Variants in FBXL7 observed in about 807,000 individuals in gnomAD.
FBXL7 encodes F-box/LRR-repeat protein 7.
FBXL7 carries 12 observed loss-of-function variants against 38.3 expected under a neutral mutation model. That is an observed-to-expected ratio of 0.31 (90% CI 0.20 to 0.51). The LOEUF is 0.51. FBXL7 is among the 20% of genes least tolerant of loss of function. The pLI, the probability that FBXL7 is intolerant of heterozygous loss-of-function variation, is 0.98. For synonymous variants in FBXL7, 297 were observed against 300.9 expected (o/e 0.99, Z 0.13); for missense variants, 567 against 676.4 (o/e 0.84, Z 1.79).
chr5:15,894,587 T>C (rs935596246), intron 2 of FBXL7, among the ~76,000 whole-genome samples: 2 of 152,214 alleles, frequency 1.3e-5, no homozygotes, highest in Non-Finnish European at 2.9e-5. Flanking sequence ...TCTATTGCGT[T>C]TTCTGTTTAG....
chr5:15,706,664 A>C (rs1295803548), intron 2 of FBXL7, among the ~76,000 whole-genome samples: 1 of 152,210 alleles, frequency 6.6e-6, no homozygotes, highest in Non-Finnish European at 1.5e-5. Flanking sequence ...GTAAAATGAA[A>C]GGATTTGCTG....
intron 1 of FBXL7, among the ~76,000 whole-genome samples, chr5:15,517,115 C>T (rs1273051304): frequency 6.6e-6 from 1 of 151,958 alleles, no homozygotes; most frequent in Non-Finnish European, 1.5e-5. Flanking sequence ...CAAGCTCCGC[C>T]TCCCGGGTTC....
intron 1 of FBXL7, among the ~76,000 whole-genome samples, chr5:15,600,245 T>G (rs1428824046): frequency 1.3e-5 from 2 of 152,182 alleles, no homozygotes. Flanking sequence ...CAGGAAGGAA[T>G]GCTGGTGGAT....
intron 2 of FBXL7, among the ~76,000 whole-genome samples, chr5:15,697,672 C>G (rs766559859): frequency 6.6e-6 from 1 of 152,066 alleles, no homozygotes; most frequent in Non-Finnish European, 1.5e-5. Flanking sequence ...TCTGCACACA[C>G]AAGGCTTCAT....
At chr5:15,540,771 A>T (rs547592231) in intron 1 of FBXL7, among the ~76,000 whole-genome samples, 113 of 152,042 alleles carry the variant, frequency 7.4e-4, no homozygotes, top group Non-Finnish European at 1.4e-3. Context: ...TTCTCCTTGT[A>T]TCTGCACGTG....
chr5:15,643,617 C>T (rs186514426), intron 2 of FBXL7, among the ~76,000 whole-genome samples: 1 of 152,264 alleles, frequency 6.6e-6, no homozygotes, highest in African/African-American at 2.4e-5. Flanking sequence ...GAACCATGCT[C>T]GGTCTTCCCT....
intron 3 of FBXL7, among the ~76,000 whole-genome samples, chr5:15,929,357 C>T (rs199548027): frequency 1.3e-5 from 2 of 152,346 alleles, no homozygotes; most frequent in East Asian, 3.9e-4. Flanking sequence ...TAGAGGCCCA[C>T]GCCTGTAATC....
chr5:15,906,512 A>G (rs1301928052), intron 2 of FBXL7, among the ~76,000 whole-genome samples: 22 of 146,128 alleles, frequency 1.5e-4, no homozygotes, highest in South Asian at 1.1e-3. Flanking sequence ...ATCCACAAAA[A>G]ATTTTTTTTT....
At chr5:15,708,150 C>T (rs374507341) in intron 2 of FBXL7, among the ~76,000 whole-genome samples, 12 of 152,160 alleles carry the variant, frequency 7.9e-5, no homozygotes, top group East Asian at 1.9e-4. Flanking sequence ...GGTTGGTATC[C>T]GATCATGGAT....
chr5:15,885,400 CATTT>C (rs1740634701), intron 2 of FBXL7, among the ~76,000 whole-genome samples: 1 of 152,120 alleles, frequency 6.6e-6, no homozygotes, highest in Non-Finnish European at 1.5e-5. Context: ...TTCCAAATTT[CATTT>C]ATTAGAGACA....
chr5:15,806,553 C>T (rs1737717344), intron 2 of FBXL7, among the ~76,000 whole-genome samples: 1 of 152,096 alleles, frequency 6.6e-6, no homozygotes, highest in African/African-American at 2.4e-5. Context: ...AGGGCAACAG[C>T]ATGGATTAAT....
At chr5:15,791,517 C>T (rs1458515328) in intron 2 of FBXL7, among the ~76,000 whole-genome samples, 1 of 152,076 alleles carries the variant, frequency 6.6e-6, no homozygotes, top group African/African-American at 2.4e-5. Context: ...ATGTATAGAA[C>T]ATTTAAACAG....
chr5:15,629,752 T>C (rs899947407), intron 2 of FBXL7, among the ~76,000 whole-genome samples: 1 of 152,342 alleles, frequency 6.6e-6, no homozygotes. Flanking sequence ...ATTTGTCATT[T>C]AATACACATT....
chr5:15,608,773 G>A (rs541820513), intron 1 of FBXL7, among the ~76,000 whole-genome samples: 18 of 152,232 alleles, frequency 1.2e-4, no homozygotes, highest in African/African-American at 4.1e-4. Flanking sequence ...AGACTTGCCA[G>A]CCCCAACTAT....
chr5:15,528,014 T>C (rs528616000), intron 1 of FBXL7, among the ~76,000 whole-genome samples: 1 of 152,364 alleles, frequency 6.6e-6, no homozygotes, highest in South Asian at 2.1e-4. Context: ...CTAACATGTT[T>C]ATAATTTTCA....
At chr5:15,634,632 T>G (rs950419281) in intron 2 of FBXL7, among the ~76,000 whole-genome samples, 10 of 152,114 alleles carry the variant, frequency 6.6e-5, no homozygotes, top group Admixed American at 6.6e-4. Context: ...TATGCATCAG[T>G]TTCCTGATGC....
At chr5:15,612,765 A>T (rs1740294115) in intron 1 of FBXL7, among the ~76,000 whole-genome samples, 1 of 152,198 alleles carries the variant, frequency 6.6e-6, no homozygotes, top group Non-Finnish European at 1.5e-5. Flanking sequence ...GTAGGAGGGA[A>T]GGGTTCCCTG....
At chr5:15,635,384 C>A (rs1191007138) in intron 2 of FBXL7, among the ~76,000 whole-genome samples, 1 of 152,112 alleles carries the variant, frequency 6.6e-6, no homozygotes, top group Non-Finnish European at 1.5e-5. Context: ...TTCTAAGAGA[C>A]CGAAAGTGGA....
chr5:15,596,746 A>G lies in FBXL7; in HGVS notation c.38-19237A>G, dbSNP rs72745659. On this transcript the variant is annotated intron_variant, in intron 1 of 3. Transcript: ENST00000504595. ...GCTAATGATGAAATCAATCATGCCTATGTAATGAAGCCTCCATAAGACTCA... is the reference window on the plus strand; with the variant it reads ...GCTAATGATGAAATCAATCATGCCTGTGTAATGAAGCCTCCATAAGACTCA... Among the ~76,000 whole-genome samples, 917 of 152,258 alleles carry G rather than the reference A, an allele frequency of 6.0e-3. 7 individuals are homozygous for G. The highest frequency in any genetic ancestry group is 0.011 in the Non-Finnish European group (742 of 67,994).
Sources: gnomAD v4.1 joint callset for allele counts (sites outside exome capture counted in the v4.1 genomes callset) on GRCh38, gnomAD v4.1.1 for gene constraint, MANE v1.5 for transcripts, NCBI Gene and HGNC (gene_info 2026-07-23, HGNC 2026-07-21) for gene names.